The following IQGAP2 variants were observed in gnomAD, a reference collection of about 807,000 sequenced individuals.
The protein encoded by IQGAP2 is IQ motif containing GTPase activating protein 2.
In IQGAP2, 173 loss-of-function variants were observed where a neutral mutation model predicts 201.3. The observed-to-expected ratio is 0.86, with a 90% CI of 0.76 to 0.98. The LOEUF is 0.98. Ranked by LOEUF, IQGAP2 falls within the 50% of genes least tolerant of loss-of-function variation. IQGAP2 has a pLI of 0.00. For synonymous variants in IQGAP2, 675 were observed against 673.9 expected (o/e 1.00, Z -0.03); for missense variants, 1,687 against 1,864.8 (o/e 0.90, Z 1.76).
chr5:76,629,192 A>C (rs72777542), intron 14 of IQGAP2, among the ~76,000 whole-genome samples: 1 of 152,154 alleles, frequency 6.6e-6, no homozygotes, highest in Non-Finnish European at 1.5e-5. Flanking sequence ...AAGAGCCGAT[A>C]TACTTTCTTT....
At chr5:76,540,370 C>G (rs1394515288) in intron 2 of IQGAP2, among the ~76,000 whole-genome samples, 1 of 152,038 alleles carries the variant, frequency 6.6e-6, no homozygotes, top group Non-Finnish European at 1.5e-5. Context: ...AATCTGGTGG[C>G]AGAGTATGGA....
Position 76,674,668 on chromosome 5 carries a change from A to G in IQGAP2, c.3486A>G (p.Ser1162=). Residue 1162 remains serine (S), a synonymous_variant, in exon 27 of 36, where the codon TCA becomes TCG. Transcript: ENST00000274364. ...TTGAAGGAGAAAATGAGCATCTCTCATCTATGAACAATTATTTATCAGAGA... is the reference window on the plus strand; with the variant it reads ...TTGAAGGAGAAAATGAGCATCTCTCGTCTATGAACAATTATTTATCAGAGA... ...KLFEGENEHL[S]SMNNYLSETY... The G allele has an allele frequency of 1.2e-6, 2 of 1,614,116 alleles. No homozygotes were observed. Among genetic ancestry groups the G allele is most frequent in the Non-Finnish European group, 1.7e-6 (2 of 1,179,946 alleles).
chr5:76,499,011 G>C (rs939019442), intron 2 of IQGAP2, among the ~76,000 whole-genome samples: 2 of 152,232 alleles, frequency 1.3e-5, no homozygotes, highest in Admixed American at 1.3e-4. Flanking sequence ...TGGATTTGCT[G>C]TTCAGACATA....
chr5:76,581,889 G>A (rs1193948068), intron 5 of IQGAP2, among the ~76,000 whole-genome samples: 2 of 152,086 alleles, frequency 1.3e-5, no homozygotes, highest in African/African-American at 4.8e-5. Context: ...TCTTGGCATT[G>A]GAAAAAGTAA....
At chr5:76,519,572 A>G (rs1368286368) in intron 2 of IQGAP2, among the ~76,000 whole-genome samples, 2 of 152,244 alleles carry the variant, frequency 1.3e-5, no homozygotes, top group African/African-American at 4.8e-5. Flanking sequence ...ACTGGGTCAT[A>G]TGGAAGATGT....
At chr5:76,694,284 T>G (rs1393798905) in intron 31 of IQGAP2, among the ~76,000 whole-genome samples, 2 of 152,288 alleles carry the variant, frequency 1.3e-5, no homozygotes, top group African/African-American at 4.8e-5. Context: ...TTAAAAATTT[T>G]TAATAAAAAA....
intron 13 of IQGAP2, chr5:76,618,564 A>G: frequency 6.2e-7 from 1 of 1,614,152 alleles, no homozygotes; most frequent in South Asian, 1.1e-5. Flanking sequence ...GAACTCTTCA[A>G]AAGAATTTGG....
intron 28 of IQGAP2, among the ~76,000 whole-genome samples, chr5:76,680,575 A>T (rs1467529353): frequency 6.6e-6 from 1 of 151,988 alleles, no homozygotes; most frequent in Non-Finnish European, 1.5e-5. Context: ...TAATCCTAGT[A>T]CTTTGGGAGG....
intron 13 of IQGAP2, chr5:76,617,066 G>C (rs994899810): frequency 2.0e-5 from 3 of 153,434 alleles, no homozygotes; most frequent in African/African-American, 7.2e-5. Context: ...TAGCAATAAG[G>C]CAAATGGAAA....
chr5:76,612,463 C>A (rs1748491376), intron 13 of IQGAP2, among the ~76,000 whole-genome samples: 1 of 151,826 alleles, frequency 6.6e-6, no homozygotes, highest in Non-Finnish European at 1.5e-5. Context: ...CCATTGCACC[C>A]CCACCTGGGT....
intron 2 of IQGAP2, among the ~76,000 whole-genome samples, chr5:76,477,146 G>C (rs1489262697): frequency 6.6e-6 from 1 of 151,898 alleles, no homozygotes; most frequent in African/African-American, 2.4e-5. Flanking sequence ...ACCAGCCTGG[G>C]CAACATGGTG....
At chr5:76,562,367 C>T in intron 2 of IQGAP2, 29 bp from the exon 3 acceptor site, 5 of 1,561,386 alleles carry the variant, frequency 3.2e-6, no homozygotes, top group Middle Eastern at 3.4e-4. Flanking sequence ...ACTGGAATCA[C>T]TTTAATATTT....
intron 1 of IQGAP2, among the ~76,000 whole-genome samples, chr5:76,419,510 G>A (rs2150079148): frequency 6.6e-6 from 1 of 152,022 alleles, no homozygotes. Flanking sequence ...CTAATTTTTT[G>A]TATTTTTAGT....
chr5:76,460,143 G>A (rs1214762009), intron 1 of IQGAP2, among the ~76,000 whole-genome samples: 2 of 152,160 alleles, frequency 1.3e-5, no homozygotes, highest in South Asian at 4.1e-4. Flanking sequence ...CTGATTTACA[G>A]TGGGGGGCTT....
rs192581659 is a variant in IQGAP2 at position 76,604,224 on chromosome 5, A to G, written c.1233-1955A>G. Among the ~76,000 whole-genome samples, 34 of 152,054 alleles carry G rather than the reference A, an allele frequency of 2.2e-4. 1 individual carries two copies. Among genetic ancestry groups the G allele is most frequent in the Admixed American group, 7.2e-4 (11 of 15,266 alleles). On this transcript the variant is annotated intron_variant, in intron 11 of 35. Transcript: ENST00000274364. ...TCAACTCCTACTTATGAGTGGGAAC[A>G]TGTGTTGTTTGGTTTCTGTTCCTGT... is the stretch of plus-strand genomic sequence containing the variant.
At chr5:76,527,694 T>G (rs1759051402) in intron 2 of IQGAP2, among the ~76,000 whole-genome samples, 1 of 152,230 alleles carries the variant, frequency 6.6e-6, no homozygotes, top group Admixed American at 6.5e-5. Flanking sequence ...TGATCATTTA[T>G]AGTGACTAAT....
chr5:76,647,481 C>T (rs1037835984), intron 17 of IQGAP2, among the ~76,000 whole-genome samples: 1 of 151,558 alleles, frequency 6.6e-6, no homozygotes, highest in Non-Finnish European at 1.5e-5. Flanking sequence ...ATCATGGGGG[C>T]GGTTTCCCCC....
chr5:76,688,144 A>T (rs1407273521), intron 30 of IQGAP2, among the ~76,000 whole-genome samples: 1 of 152,236 alleles, frequency 6.6e-6, no homozygotes, highest in Non-Finnish European at 1.5e-5. Context: ...TTCATTAGAG[A>T]ACCAAATTTA....
intron 14 of IQGAP2, 88 bp downstream of exon 14, chr5:76,627,588 A>T (rs1279248198): frequency 2.7e-6 from 2 of 751,352 alleles, no homozygotes; most frequent in Admixed American, 2.2e-5. Flanking sequence ...TTTCTGAAAG[A>T]TTTGGATTCT....
Sources: allele counts gnomAD v4.1 joint callset (sites outside exome capture counted in the v4.1 genomes callset), GRCh38; gene constraint gnomAD v4.1.1; transcripts MANE v1.5; gene names NCBI Gene and HGNC (gene_info 2026-07-23, HGNC 2026-07-21).